Variants in FGF12 observed in about 807,000 individuals in gnomAD.
FGF12 encodes fibroblast growth factor 12B.
A neutral mutation model predicts 23.6 loss-of-function variants in FGF12; 14 were observed. That is an observed-to-expected ratio of 0.59 (90% CI 0.39 to 0.93). The LOEUF is 0.93. FGF12 is among the 40% of genes least tolerant of loss of function. The pLI is 0.00. For missense variants in FGF12, 175 were observed against 217.8 expected (o/e 0.80, Z 1.24); for synonymous variants, 62 against 77.3 (o/e 0.80, Z 1.04).
intron 2 of FGF12, among the ~76,000 whole-genome samples, chr3:192,694,395 T>C (rs1467453247): frequency 2.0e-5 from 3 of 152,144 alleles, no homozygotes; most frequent in African/African-American, 7.2e-5. Context: ...CTTCTGGGTA[T>C]ACACCCAAAG....
chr3:192,398,540 C>T (rs536954145), intron 2 of FGF12, among the ~76,000 whole-genome samples: 34 of 151,992 alleles, frequency 2.2e-4, no homozygotes, highest in Non-Finnish European at 4.4e-4. Context: ...TGCACCACCA[C>T]GCCCGACTAA....
intron 4 of FGF12, among the ~76,000 whole-genome samples, chr3:192,283,723 A>T (rs1424636645): frequency 6.6e-6 from 1 of 152,022 alleles, no homozygotes. Context: ...AACTTGATGC[A>T]CTGGGCCATG....
intron 4 of FGF12, among the ~76,000 whole-genome samples, chr3:192,269,485 C>A (rs1713291199): frequency 6.6e-6 from 1 of 152,154 alleles, no homozygotes; most frequent in African/African-American, 2.4e-5. Flanking sequence ...ATCAGCCCTG[C>A]AATCTTGCTC....
chr3:192,419,711 A>G (rs1560105886), intron 2 of FGF12, among the ~76,000 whole-genome samples: 2 of 152,166 alleles, frequency 1.3e-5, no homozygotes, highest in South Asian at 4.1e-4. Flanking sequence ...AAAAAAGGGA[A>G]AATAAGGAAT....
chr3:192,344,051 C>T (rs560572205), intron 3 of FGF12, among the ~76,000 whole-genome samples: 1 of 152,108 alleles, frequency 6.6e-6, no homozygotes, highest in Non-Finnish European at 1.5e-5. Context: ...TGACTTTGAG[C>T]AGTAGGATAT....
chr3:192,374,737 C>T (rs1719397424), intron 2 of FGF12, among the ~76,000 whole-genome samples: 1 of 152,098 alleles, frequency 6.6e-6, no homozygotes, highest in South Asian at 2.1e-4. Context: ...AGTGAAGTGA[C>T]TGCCCAATGG....
At chr3:192,455,207 T>A (rs1722642515) in intron 2 of FGF12, among the ~76,000 whole-genome samples, 1 of 152,190 alleles carries the variant, frequency 6.6e-6, no homozygotes, top group African/African-American at 2.4e-5. Flanking sequence ...AATGCAGACA[T>A]AGAAACTCTT....
At chr3:192,250,712 A>G (rs1014093238) in intron 4 of FGF12, among the ~76,000 whole-genome samples, 1 of 152,118 alleles carries the variant, frequency 6.6e-6, no homozygotes, top group African/African-American at 2.4e-5. Flanking sequence ...GAATCAAAAC[A>G]TAGTATAAAA....
intron 2 of FGF12, among the ~76,000 whole-genome samples, chr3:192,583,916 T>C (rs989653589): frequency 3.3e-5 from 5 of 152,218 alleles, no homozygotes; most frequent in Non-Finnish European, 7.3e-5. Context: ...CAAAGCCTGC[T>C]GAGCTGTTGT....
intron 4 of FGF12, among the ~76,000 whole-genome samples, chr3:192,326,464 T>C (rs1040579613): frequency 6.6e-6 from 1 of 152,130 alleles, no homozygotes; most frequent in Non-Finnish European, 1.5e-5. Flanking sequence ...TCCTTAGAGA[T>C]CACCACCCCC....
rs10575323 is a variant in FGF12, at chr3:192,159,943, AGTGTGTGTGTGT to A, written c.427+10503_427+10514del. 1.5e-3 allele frequency among the ~76,000 whole-genome samples: 226 copies of A among 149,322 alleles called. 2 individuals carry two copies. Among genetic ancestry groups the A allele is most frequent in the East Asian group, 5.9e-3 (30 of 5,092 alleles). On this transcript the variant is annotated intron_variant, in intron 5 of 5. Coordinates refer to ENST00000445105, the MANE Select transcript of FGF12 (RefSeq NM_004113.6). ...TGATTTTAAAATGTCATATTTAAGTAGTGTGTGTGTGTGTGTGTGTGTGTGTGTGTGTGTGTA... is the reference window on the plus strand; with the variant it reads ...TGATTTTAAAATGTCATATTTAAGTAGTGTGTGTGTGTGTGTGTGTGTGTA...
intron 2 of FGF12, among the ~76,000 whole-genome samples, chr3:192,552,661 C>T (rs1362993481): frequency 6.6e-6 from 1 of 152,146 alleles, no homozygotes; most frequent in East Asian, 1.9e-4. Context: ...GAGGCCGAGG[C>T]TGGCAGGTCA....
intron 2 of FGF12, among the ~76,000 whole-genome samples, chr3:192,441,628 A>G (rs928611523): frequency 1.3e-5 from 2 of 152,210 alleles, no homozygotes; most frequent in Admixed American, 6.5e-5. Context: ...ACTCCTTCAA[A>G]TGAGAAACGT....
chr3:192,248,228 T>C (rs1359082524), intron 4 of FGF12, among the ~76,000 whole-genome samples: 1 of 152,188 alleles, frequency 6.6e-6, no homozygotes, highest in African/African-American at 2.4e-5. Context: ...AACTTGGACA[T>C]AGTTAAAGTG....
intron 2 of FGF12, among the ~76,000 whole-genome samples, chr3:192,722,970 G>A (rs576523208): frequency 1.3e-5 from 2 of 152,220 alleles, no homozygotes; most frequent in South Asian, 4.1e-4. Context: ...TGTAAGAAAC[G>A]CAGTATGTGA....
chr3:192,349,830 C>G (rs1051468301), intron 3 of FGF12, among the ~76,000 whole-genome samples: 4 of 152,050 alleles, frequency 2.6e-5, no homozygotes, highest in Admixed American at 1.3e-4. Flanking sequence ...TGGGCATTGT[C>G]ACGCAAAGTC....
intron 2 of FGF12, among the ~76,000 whole-genome samples, chr3:192,677,501 A>G (rs528947313): frequency 6.6e-6 from 1 of 152,334 alleles, no homozygotes; most frequent in African/African-American, 2.4e-5. Context: ...AGTTGTTTCA[A>G]TATGAATATT....
intron 2 of FGF12, among the ~76,000 whole-genome samples, chr3:192,617,332 TG>T (rs1184176032): frequency 2.0e-5 from 3 of 150,570 alleles, no homozygotes; most frequent in East Asian, 3.9e-4. Flanking sequence ...GTGGGGGAGG[TG>T]GGAGGTTGGA....
chr3:192,512,835 A>ATATATATATATATATATATAT (rs1724521996), intron 2 of FGF12, among the ~76,000 whole-genome samples: 1 of 76,778 alleles, frequency 1.3e-5, no homozygotes, highest in African/African-American at 6.4e-5. Context: ...TACTCAAATA[A>ATATATATATATATATATATAT]ATATATATAT....
Sources: allele counts gnomAD v4.1 joint callset (sites outside exome capture counted in the v4.1 genomes callset), GRCh38; gene constraint gnomAD v4.1.1; transcripts MANE v1.5; gene names NCBI Gene and HGNC (gene_info 2026-07-23, HGNC 2026-07-21).